The following BRINP3 variants were observed in gnomAD, a reference collection of about 807,000 sequenced individuals.
The protein encoded by BRINP3 is BMP/retinoic acid inducible neural specific 3.
Under a neutral mutation model 71.0 loss-of-function variants are expected in BRINP3, and 19 were observed. That is an observed-to-expected ratio of 0.27 (90% CI 0.19 to 0.39). BRINP3 has a LOEUF of 0.39. Among genes scored for constraint, BRINP3 ranks in the 10% least tolerant of loss-of-function variants. BRINP3 has a pLI of 1.00. For synonymous variants in BRINP3, 380 were observed against 337.7 expected, an observed-to-expected ratio of 1.13 and a Z score of -1.37; for missense variants, 959 against 940.8, an observed-to-expected ratio of 1.02 and a Z score of -0.25.
At chr1:190,320,812 C>T (rs1054943264) in intron 2 of BRINP3, among the ~76,000 whole-genome samples, 4 of 152,040 alleles carry the variant, frequency 2.6e-5, no homozygotes, top group East Asian at 3.9e-4. Context: ...CATGTACATA[C>T]ATGCTCATGA....
chr1:190,320,631 G>T (rs952305809), intron 2 of BRINP3, among the ~76,000 whole-genome samples: 6 of 151,830 alleles, frequency 4.0e-5, no homozygotes, highest in Non-Finnish European at 8.8e-5. Context: ...ACCAGCCCTG[G>T]ACAGGACACC....
chr1:190,453,687 G>C (rs1379103011), intron 2 of BRINP3, among the ~76,000 whole-genome samples: 2 of 152,100 alleles, frequency 1.3e-5, no homozygotes, highest in Non-Finnish European at 2.9e-5. Context: ...AATATACATT[G>C]CTGATAGGAT....
intron 3 of BRINP3, among the ~76,000 whole-genome samples, chr1:190,272,540 A>G (rs1439777652): frequency 6.6e-6 from 1 of 151,544 alleles, no homozygotes; most frequent in Admixed American, 6.6e-5. Context: ...AATAAATGTT[A>G]TCTTTCTCTC....
intron 2 of BRINP3, among the ~76,000 whole-genome samples, chr1:190,403,070 C>T (rs1175613940): frequency 1.3e-5 from 2 of 152,288 alleles, no homozygotes; most frequent in African/African-American, 4.8e-5. Context: ...TCACAAAGTT[C>T]TCCAAAAGTG....
At chr1:190,423,664 G>T (rs1049721498) in intron 2 of BRINP3, among the ~76,000 whole-genome samples, 1 of 151,716 alleles carries the variant, frequency 6.6e-6, no homozygotes. Context: ...ATGAAAGAAT[G>T]AACTATTTAT....
chr1:190,465,285 G>A (rs970807873), intron 1 of BRINP3, among the ~76,000 whole-genome samples: 1 of 151,918 alleles, frequency 6.6e-6, no homozygotes, highest in South Asian at 2.1e-4. Context: ...TGTTTAGAAA[G>A]TATATTAGAT....
chr1:190,299,921 T>C (rs980762690), intron 2 of BRINP3, among the ~76,000 whole-genome samples: 1 of 152,132 alleles, frequency 6.6e-6, no homozygotes, highest in Admixed American at 6.5e-5. Flanking sequence ...AGACATCTGC[T>C]TTTAGTCTGA....
intron 2 of BRINP3, among the ~76,000 whole-genome samples, chr1:190,413,795 T>A (rs1186512377): frequency 6.6e-6 from 1 of 152,156 alleles, no homozygotes; most frequent in Admixed American, 6.5e-5. Context: ...GAAACTAACA[T>A]ACCATCTATA....
intron 7 of BRINP3, among the ~76,000 whole-genome samples, chr1:190,138,508 C>A (rs1326519464): frequency 1.3e-5 from 2 of 152,096 alleles, no homozygotes; most frequent in Non-Finnish European, 2.9e-5. Context: ...TCATTGCAGA[C>A]AAGAGAGTCG....
intron 7 of BRINP3, among the ~76,000 whole-genome samples, chr1:190,105,925 A>T (rs904932297): frequency 2.6e-5 from 4 of 152,170 alleles, no homozygotes; most frequent in South Asian, 4.1e-4. Context: ...AAGTAAAAAA[A>T]TTACCAAAAA....
chr1:190,119,165 A>T (rs1436409820), intron 7 of BRINP3, among the ~76,000 whole-genome samples: 2 of 152,112 alleles, frequency 1.3e-5, no homozygotes, highest in African/African-American at 2.4e-5. Flanking sequence ...ATATAAAAAC[A>T]TCCATTTCTT....
At chr1:190,172,782 CAT>C (rs761316573) in intron 6 of BRINP3, among the ~76,000 whole-genome samples, 6 of 152,132 alleles carry the variant, frequency 3.9e-5, no homozygotes, top group Non-Finnish European at 8.8e-5. Flanking sequence ...GACAATCGAA[CAT>C]AGCCTTTCCC....
chr1:190,328,184 A>G (rs537951284), intron 2 of BRINP3, among the ~76,000 whole-genome samples: 1 of 152,266 alleles, frequency 6.6e-6, no homozygotes, highest in African/African-American at 2.4e-5. Flanking sequence ...CAAAGCTAGC[A>G]AAAGAAAAGA....
chr1:190,303,017 T>A (rs985290983), intron 2 of BRINP3, among the ~76,000 whole-genome samples: 12 of 151,864 alleles, frequency 7.9e-5, no homozygotes, highest in Non-Finnish European at 1.8e-4. Flanking sequence ...CAAGTTGGTA[T>A]ATCACCTTCA....
chr1:190,410,265 T>G (rs749720204), intron 2 of BRINP3, among the ~76,000 whole-genome samples: 1 of 152,200 alleles, frequency 6.6e-6, no homozygotes, highest in African/African-American at 2.4e-5. Context: ...GTGAGAGTTA[T>G]GGGAGGGTAT....
chr1:190,383,818 C>A (rs1670705979), intron 2 of BRINP3, among the ~76,000 whole-genome samples: 1 of 151,924 alleles, frequency 6.6e-6, no homozygotes, highest in African/African-American at 2.4e-5. Flanking sequence ...CATTGATAAT[C>A]ACAAGGAAGT....
chr1:190,432,522 G>A (rs1674167555), intron 2 of BRINP3, among the ~76,000 whole-genome samples: 1 of 152,046 alleles, frequency 6.6e-6, no homozygotes, highest in Admixed American at 6.6e-5. Context: ...ATCCTCTAAG[G>A]CACCATGTGT....
At chr1:190,451,204 T>A (rs1317229272) in intron 2 of BRINP3, among the ~76,000 whole-genome samples, 1 of 151,988 alleles carries the variant, frequency 6.6e-6, no homozygotes, top group Non-Finnish European at 1.5e-5. Flanking sequence ...AAAATTTTTG[T>A]TTTGAGTCAT....
At chr1:190,345,580 T>G (rs909016637) in intron 2 of BRINP3, among the ~76,000 whole-genome samples, 3 of 151,506 alleles carry the variant, frequency 2.0e-5, no homozygotes, top group African/African-American at 7.3e-5. Context: ...TAGGAAAACA[T>G]GACAAAATTA....
Sources: gnomAD v4.1 joint callset for allele counts (sites outside exome capture counted in the v4.1 genomes callset) on GRCh38, gnomAD v4.1.1 for gene constraint, MANE v1.5 for transcripts, NCBI Gene and HGNC (gene_info 2026-07-23, HGNC 2026-07-21) for gene names.